The following SHROOM3 variants were observed in gnomAD, a reference collection of about 807,000 sequenced individuals.
The protein encoded by SHROOM3 is protein Shroom3.
In SHROOM3, 47 loss-of-function variants were observed where a neutral mutation model predicts 138.6. The observed-to-expected ratio is 0.34, with a 90% CI of 0.27 to 0.43. The LOEUF is 0.43. Ranked by LOEUF, SHROOM3 falls within the 20% of genes least tolerant of loss-of-function variation. SHROOM3 has a pLI of 1.00. For synonymous variants in SHROOM3, 1,062 were observed against 1,063.3 expected, an observed-to-expected ratio of 1.00 and a Z score of 0.02; for missense variants, 2,491 against 2,596.5, an observed-to-expected ratio of 0.96 and a Z score of 0.88.
intron 10 of SHROOM3, among the ~76,000 whole-genome samples, chr4:76,774,882 A>G (rs759851866): frequency 7.2e-5 from 11 of 152,110 alleles, no homozygotes; most frequent in Non-Finnish European, 1.5e-4. Flanking sequence ...ATAACCCTAC[A>G]TAAGCTATTT....
intron 1 of SHROOM3, among the ~76,000 whole-genome samples, chr4:76,539,771 T>A (rs1733060237): frequency 6.6e-6 from 1 of 152,168 alleles, no homozygotes; most frequent in Admixed American, 6.5e-5. Context: ...AACCAATATA[T>A]GGCCTCTAAT....
In SHROOM3 at chr4:76,779,358, T is replaced by G; in HGVS notation, c.*181T>G. On this transcript the variant is annotated 3_prime_UTR_variant, in exon 11 of 11. Transcript: ENST00000296043. ...CCTTCTTGCCCTTCCTGATTGATCT[T>G]CTGAGAGCTCGAATGCTGCTGGACA... 2 of 723,294 alleles carry G rather than the reference T, an allele frequency of 2.8e-6. No homozygotes were observed. Among genetic ancestry groups the G allele is most frequent in the Non-Finnish European group, 4.4e-6 (2 of 454,818 alleles). The allele number at this position is 723,294 out of a possible 1,614,324, so 44.8% of individuals were successfully genotyped here.
chr4:76,552,706 GTA>G (rs1237565162), intron 1 of SHROOM3, among the ~76,000 whole-genome samples: 1 of 151,306 alleles, frequency 6.6e-6, no homozygotes, highest in African/African-American at 2.4e-5. Context: ...TGTAATATAT[GTA>G]TATATATAAT....
intron 1 of SHROOM3, among the ~76,000 whole-genome samples, chr4:76,467,389 A>T (rs535353632): frequency 1.3e-5 from 2 of 152,176 alleles, no homozygotes; most frequent in African/African-American, 4.8e-5. Flanking sequence ...AGGCTTAGAT[A>T]AGTGAAATAA....
chr4:76,658,651 A>T (rs1436323138), intron 2 of SHROOM3, among the ~76,000 whole-genome samples: 1 of 151,878 alleles, frequency 6.6e-6, no homozygotes, highest in Non-Finnish European at 1.5e-5. Flanking sequence ...TACCCTTCCA[A>T]ACCCCCTCCC....
chr4:76,741,056 T>A lies in SHROOM3; in HGVS notation c.2883T>A (p.Pro961=). Residue 961 remains proline (P), a synonymous_variant, in exon 5 of 11, where the codon CCT becomes CCA. Coordinates refer to ENST00000296043, the MANE Select transcript of SHROOM3 (RefSeq NM_020859.4). The surrounding 1 kb of genome is among the most constrained non-coding windows in gnomAD (Gnocchi z 6.2). ...PVASRSWRPR[P]SSAHVGLRSP... is the part of the protein sequence containing the mutation. Reference sequence around the variant, plus strand: ...CGTCGAGGTCCTGGCGGCCACGGCCTTCCTCGGCCCACGTGGGGCTGCGGA... The same window carrying A: ...CGTCGAGGTCCTGGCGGCCACGGCCATCCTCGGCCCACGTGGGGCTGCGGA... 2.7e-6 allele frequency: 4 copies of A among 1,501,500 alleles called. No individual in the cohort carries two copies. The highest frequency in any genetic ancestry group is 3.5e-6 in the Non-Finnish European group (4 of 1,129,748). The allele number at this position is 1,501,500 out of a possible 1,614,324, so 93.0% of individuals were successfully genotyped here. A position where few individuals can be genotyped will look rare whatever the true frequency, so the allele number is the denominator to read the frequency against.
At chr4:76,704,859 A>G (rs1720004847) in intron 2 of SHROOM3, among the ~76,000 whole-genome samples, 1 of 152,154 alleles carries the variant, frequency 6.6e-6, no homozygotes, top group African/African-American at 2.4e-5. Context: ...AAAAAGGAGG[A>G]AATGGCTGAT....
rs759157920 is a variant in SHROOM3 at position 76,730,866 on chromosome 4, C to A, written c.518C>A (p.Pro173His). 5.3e-5 allele frequency: 85 copies of A among 1,613,986 alleles called. No individual in the cohort carries two copies. The highest frequency in any genetic ancestry group is 6.7e-5 in the African/African-American group (5 of 74,902). ...WHTTKSGEKQPDASMMQISQG... is the reference protein window; with the variant it reads ...WHTTKSGEKQHDASMMQISQG... ...ACAACTAAATCTGGGGAGAAGCAAC[C>A]CGATGCCAGCATGATGCAGATATCT... The change falls in exon 4 of 11, where the codon CCC (proline) becomes CAC (histidine). Residue 173 changes from proline (P) to histidine (H), a missense_variant. Physicochemically the swap from Pro to His is moderately conservative, Grantham distance 77. Transcript: ENST00000296043.
chr4:76,513,615 G>A (rs1214138515), intron 1 of SHROOM3, among the ~76,000 whole-genome samples: 1 of 152,092 alleles, frequency 6.6e-6, no homozygotes, highest in African/African-American at 2.4e-5. Context: ...TGCCTGGCTG[G>A]AAAATAATAC....
intron 6 of SHROOM3, among the ~76,000 whole-genome samples, chr4:76,752,655 A>C (rs944092867): frequency 6.6e-6 from 1 of 152,158 alleles, no homozygotes; most frequent in African/African-American, 2.4e-5. Context: ...AAAACACAAA[A>C]TAATCACCAC....
intron 1 of SHROOM3, among the ~76,000 whole-genome samples, chr4:76,521,467 A>T (rs1018097691): frequency 6.6e-6 from 1 of 152,250 alleles, no homozygotes; most frequent in Admixed American, 6.5e-5. Context: ...CAAGTCAGTA[A>T]GACATAATTT....
At chr4:76,609,522 C>T (rs1334096614) in intron 2 of SHROOM3, among the ~76,000 whole-genome samples, 1 of 152,218 alleles carries the variant, frequency 6.6e-6, no homozygotes, top group African/African-American at 2.4e-5. Flanking sequence ...TCTCCTGCCT[C>T]AGCCTCCCAA....
At chr4:76,441,093 T>G (rs796791687) in intron 1 of SHROOM3, among the ~76,000 whole-genome samples, 7 of 130,686 alleles carry the variant, frequency 5.4e-5, no homozygotes, top group Non-Finnish European at 9.8e-5. Context: ...TTTGTTTTTT[T>G]TTTTTTTTTT....
intron 1 of SHROOM3, among the ~76,000 whole-genome samples, chr4:76,477,346 A>C (rs1051291805): frequency 2.6e-5 from 4 of 152,068 alleles, no homozygotes; most frequent in African/African-American, 9.7e-5. Context: ...ATTTGGTTAA[A>C]CTTTGTATGC....
chr4:76,693,373 T>TTTTTTTTTTTG (rs1719617138), intron 2 of SHROOM3, among the ~76,000 whole-genome samples: 2 of 120,074 alleles, frequency 1.7e-5, no homozygotes, highest in Middle Eastern at 3.6e-3. Flanking sequence ...TAAGTTTGTT[T>TTTTTTTTTTTG]TTTTTTTTTT....
Position 76,778,826 on chromosome 4 carries a change from A to C in SHROOM3, c.5640A>C (p.Lys1880Asn). ...CCTGGCAGAGCTCTCTTTACGAGAA[A>C]AGGAAGATCCTGGCTGGTCAGCATG... Reference protein sequence around the residue: ...SNEERSSLYEKRKILAGQHED... With the variant: ...SNEERSSLYENRKILAGQHED... The change falls in exon 11 of 11, where the codon AAA becomes AAC. Residue 1880 changes from lysine (K) to asparagine (N), a missense_variant. Physicochemically the swap from Lys to Asn is moderately conservative, Grantham distance 94. Transcript: ENST00000296043. The C allele has an allele frequency of 6.2e-7, 1 of 1,612,348 alleles. No individual in the cohort carries two copies. Among genetic ancestry groups the C allele is most frequent in the Non-Finnish European group, 8.5e-7 (1 of 1,180,024 alleles).
rs1421254194 is a variant in SHROOM3, at chr4:76,779,085, C to T, written c.5899C>T (p.Leu1967=). 1 of 1,614,214 alleles carries T rather than the reference C, an allele frequency of 6.2e-7. No homozygotes were observed. ...AGATTTCATTCCCAAGGCTGGGGCCCTGGCTCTGCCCCCAAACCTCACGAG... is the reference window on the plus strand; with the variant it reads ...AGATTTCATTCCCAAGGCTGGGGCCTTGGCTCTGCCCCCAAACCTCACGAG... ...PSDFIPKAGA[L]ALPPNLTSEP... is the part of the protein sequence containing the mutation. Residue 1967 remains leucine, a synonymous_variant, in exon 11 of 11, where the codon CTG becomes TTG. Coordinates refer to ENST00000296043, the MANE Select transcript of SHROOM3 (RefSeq NM_020859.4).
intron 6 of SHROOM3, among the ~76,000 whole-genome samples, chr4:76,751,802 G>A (rs773217457): frequency 6.6e-6 from 1 of 152,058 alleles, no homozygotes; most frequent in Non-Finnish European, 1.5e-5. Flanking sequence ...TTAAAAAAAC[G>A]AAAAACAACC....
chr4:76,754,111 T>C (rs1326237769), intron 6 of SHROOM3, among the ~76,000 whole-genome samples, 200 bp from the exon 7 acceptor site: 1 of 152,230 alleles, frequency 6.6e-6, no homozygotes, highest in African/African-American at 2.4e-5. Context: ...CATTTTCCTG[T>C]AGGAATTTAT....
Sources: allele counts gnomAD v4.1 joint callset (sites outside exome capture counted in the v4.1 genomes callset), GRCh38; gene constraint gnomAD v4.1.1; non-coding constraint Gnocchi (gnomAD v3.1); transcripts MANE v1.5; gene names NCBI Gene and HGNC (gene_info 2026-07-23, HGNC 2026-07-21).